Variants in TTC38 observed in about 807,000 individuals in gnomAD.
The protein encoded by TTC38 is tetratricopeptide repeat protein 38.
Under a neutral mutation model 64.2 loss-of-function variants are expected in TTC38, and 64 were observed. The ratio of observed to expected loss-of-function variants is 1.00; its 90% CI spans 0.81 to 1.23. The LOEUF is 1.23. Among genes scored for constraint, TTC38 ranks in the 50% most tolerant of loss-of-function variants. The pLI is 0.00. For missense variants in TTC38, 573 were observed against 615.5 expected (o/e 0.93, Z 0.73); for synonymous variants, 254 against 249.3 (o/e 1.02, Z -0.18).
Position 46,276,650 on chromosome 22 carries a change from G to A in TTC38, c.539+1229G>A, listed in dbSNP as rs2077489103. ...GAGTTTGAGGCTGCAGTGAGCTGGC[G>A]ATCATGCCACTGCACTCAGCCTGGG... On this transcript the variant is annotated intron_variant, in intron 5 of 13. Transcript: ENST00000381031. This position sits in a 1 kb window ranked among gnomAD's most constrained non-coding sequence, Gnocchi z 4.7. 6.6e-6 allele frequency among the ~76,000 whole-genome samples: 1 copy of A among 150,756 alleles called. No individual in the cohort carries two copies.
At chr22:46,283,125 A>T (rs2077547015) in intron 7 of TTC38, among the ~76,000 whole-genome samples, 2 of 151,888 alleles carry the variant, frequency 1.3e-5, no homozygotes, top group African/African-American at 4.8e-5. Flanking sequence ...TTAGAGAGAC[A>T]GGGTCTCTTC....
chr22:46,268,677 GTTTT>G, intron 2 of TTC38, 86 bp downstream of exon 2: 1 of 1,180,168 alleles, frequency 8.5e-7, no homozygotes. Flanking sequence ...TTTTTGTTTT[GTTTT>G]GTTTTGTTTT....
chr22:46,279,026 G>A (rs1268119741), intron 6 of TTC38, among the ~76,000 whole-genome samples: 1 of 152,222 alleles, frequency 6.6e-6, no homozygotes, highest in Non-Finnish European at 1.5e-5. Context: ...CTGCCCTGCT[G>A]GGACAGGACT....
Position 46,276,824 on chromosome 22 carries a change from A to AATATATAT in TTC38, c.539+1413_539+1420dup, listed in dbSNP as rs57859102. On this transcript the variant is annotated intron_variant, in intron 5 of 13. Transcript: ENST00000381031. The surrounding 1 kb of genome is among the most constrained non-coding windows in gnomAD (Gnocchi z 4.7). ...ATTATATATTAAAATATATATATTA[A>AATATATAT]ATATATATATATATATAAACATATA... 4.3e-3 allele frequency among the ~76,000 whole-genome samples: 603 copies of AATATATAT among 139,520 alleles called. 1 individual carries two copies. The highest frequency in any genetic ancestry group is 0.014 in the African/African-American group (515 of 36,158). The allele number at this position is 139,520 out of a possible 152,430, so 91.5% of individuals were successfully genotyped here.
chr22:46,278,551 A>G (rs765782239), intron 5 of TTC38, 35 bp from the exon 6 acceptor site: 141 of 1,576,382 alleles, frequency 8.9e-5, no homozygotes, highest in Non-Finnish European at 1.0e-4. Flanking sequence ...CCCATCCATC[A>G]TTTTGTATTC....
Position 46,270,529 on chromosome 22 carries a change from C to T in TTC38, c.112-1806C>T, listed in dbSNP as rs1294960857. On this transcript the variant is annotated intron_variant, in intron 2 of 13. Transcript: ENST00000381031. The surrounding 1 kb of genome is among the most constrained non-coding windows in gnomAD (Gnocchi z 4.7). Reference sequence around the variant, plus strand: ...AGTAAAGGACCAGGTACAAATACAGCAAATTGTTAAAAATGATGATGCGCT... The same window carrying T: ...AGTAAAGGACCAGGTACAAATACAGTAAATTGTTAAAAATGATGATGCGCT... Among the ~76,000 whole-genome samples the T allele has an allele frequency of 1.3e-5, 2 of 152,058 alleles. No individual in the cohort carries two copies. Among genetic ancestry groups the T allele is most frequent in the African/African-American group, 4.8e-5 (2 of 41,396 alleles).
chr22:46,279,430 A>C (rs1172308249), intron 6 of TTC38, among the ~76,000 whole-genome samples: 1 of 152,218 alleles, frequency 6.6e-6, no homozygotes, highest in East Asian at 1.9e-4. Context: ...TGAGGGGCCC[A>C]AGGCTCAGAG....
Position 46,289,882 on chromosome 22 carries a change from C to T in TTC38, c.1299C>T (p.Val433=). The part of the protein sequence containing the change: ...IHAALNCTSS[V]HKNVARSLLM... ...CGGCCTTAAACTGCACCTCCAGCGT[C>T]CATAAGAACGTAGCCCGGTGAGCTC... The change falls in exon 13 of 14, where the codon GTC becomes GTT. Residue 433 remains valine (V), a synonymous_variant. Transcript: ENST00000381031. The T allele has an allele frequency of 6.2e-7, 1 of 1,614,186 alleles. No homozygotes were observed.
intron 8 of TTC38, among the ~76,000 whole-genome samples, chr22:46,284,566 G>C (rs1485280579): frequency 6.6e-6 from 1 of 152,154 alleles, no homozygotes; most frequent in Non-Finnish European, 1.5e-5. Flanking sequence ...AAATGTACAG[G>C]AGAGGAAACA....
intron 11 of TTC38, 57 bp downstream of exon 11, chr22:46,288,645 G>A: frequency 6.4e-7 from 1 of 1,558,208 alleles, no homozygotes; most frequent in Non-Finnish European, 8.8e-7. Flanking sequence ...AGGGTGAGGG[G>A]GTGCTAGGGC....
In TTC38 at chr22:46,270,532, A is replaced by T. The variant is rs563261195; in HGVS notation, c.112-1803A>T. 1.3e-5 allele frequency among the ~76,000 whole-genome samples: 2 copies of T among 152,056 alleles called. No homozygotes were observed. Among genetic ancestry groups the T allele is most frequent in the Non-Finnish European group, 2.9e-5 (2 of 68,016 alleles). ...AAAGGACCAGGTACAAATACAGCAAATTGTTAAAAATGATGATGCGCTGGG... is the reference window on the plus strand; with the variant it reads ...AAAGGACCAGGTACAAATACAGCAATTTGTTAAAAATGATGATGCGCTGGG... On this transcript the variant is annotated intron_variant, in intron 2 of 13. Transcript: ENST00000381031. This position sits in a 1 kb window ranked among gnomAD's most constrained non-coding sequence, Gnocchi z 4.7.
chr22:46,281,474 C>G lies in TTC38; in HGVS notation c.616-125C>G. 4 of 1,005,956 alleles carry G rather than the reference C, an allele frequency of 4.0e-6. No individual in the cohort carries two copies. The highest frequency in any genetic ancestry group is 1.5e-5 in the South Asian group (1 of 66,726). 62.3% of individuals were successfully genotyped at this position (1,005,956 alleles called of 1,614,324 possible). On this transcript the variant is annotated intron_variant, in intron 6 of 13. Coordinates refer to ENST00000381031, the MANE Select transcript of TTC38 (RefSeq NM_017931.4). This position sits in a 1 kb window ranked among gnomAD's most constrained non-coding sequence, Gnocchi z 5.2. ...GTCAGTGTTTTGAGTCAGAGCCCCG[C>G]CCCCCCACTTGCTCCACCCCGTTCA...
chr22:46,289,616 C>T (rs932010737), intron 12 of TTC38, 55 bp downstream of exon 12: 39 of 1,538,462 alleles, frequency 2.5e-5, no homozygotes, highest in South Asian at 7.4e-5. Flanking sequence ...GGAGTCTGGG[C>T]GCCCCGCAGC....
Position 46,293,140 on chromosome 22 carries a change from G to C in TTC38, c.*256G>C. On this transcript the variant is annotated 3_prime_UTR_variant, in exon 14 of 14. Coordinates refer to ENST00000381031, the MANE Select transcript of TTC38 (RefSeq NM_017931.4). This position sits in a 1 kb window ranked among gnomAD's most constrained non-coding sequence, Gnocchi z 6.6. ...AGTGTGAGTGCTGCTCTTTCCACCT[G>C]CCTTGCAAATTCTGTTTCCCAGGGG... The C allele has an allele frequency of 2.2e-6, 1 of 449,192 alleles. No individual in the cohort carries two copies. Among genetic ancestry groups the C allele is most frequent in the Non-Finnish European group, 4.1e-6 (1 of 242,616 alleles). The allele number at this position is 449,192 out of a possible 1,614,324, so 27.8% of individuals were successfully genotyped here.
Position 46,276,896 on chromosome 22 carries a change from C to T in TTC38, c.539+1475C>T, listed in dbSNP as rs2077494303. Among the ~76,000 whole-genome samples, 1 of 147,554 alleles carries T rather than the reference C, an allele frequency of 6.8e-6. No individual in the cohort carries two copies. Among genetic ancestry groups the T allele is most frequent in the Non-Finnish European group, 1.5e-5 (1 of 67,366 alleles). On this transcript the variant is annotated intron_variant, in intron 5 of 13. Coordinates refer to ENST00000381031, the MANE Select transcript of TTC38 (RefSeq NM_017931.4). The surrounding 1 kb of genome is among the most constrained non-coding windows in gnomAD (Gnocchi z 4.7). Reference sequence around the variant, plus strand: ...CCGCAACACCTAGACTGGTGTTTCGCCAAACAGCTGAGCACCACGGGCCAG... The same window carrying T: ...CCGCAACACCTAGACTGGTGTTTCGTCAAACAGCTGAGCACCACGGGCCAG...
rs746014019 is a variant in TTC38 at position 46,289,470 on chromosome 22, T to G, written c.1151T>G (p.Val384Gly). ...DVGLPLCQAL[V>G]EAEDGNPDRV... ...GGGCTGCCCCTGTGCCAGGCCCTGGTGGAGGCTGAGGACGGGAACCCTGAC... is the reference window on the plus strand; with the variant it reads ...GGGCTGCCCCTGTGCCAGGCCCTGGGGGAGGCTGAGGACGGGAACCCTGAC... Residue 384 changes from valine (V) to glycine (G), a missense_variant, in exon 12 of 14, where the codon GTG becomes GGG. Physicochemically the swap from Val to Gly is moderately radical, Grantham distance 109. This residue lies in a region of TTC38 where 371 missense variants were observed against 381.8 expected (regional missense o/e 0.97). Coordinates refer to ENST00000381031, the MANE Select transcript of TTC38 (RefSeq NM_017931.4). 1.9e-6 allele frequency: 3 copies of G among 1,609,332 alleles called. No individual in the cohort carries two copies. The highest frequency in any genetic ancestry group is 2.5e-6 in the Non-Finnish European group (3 of 1,179,750).
At chr22:46,280,886 C>T (rs1569020840) in intron 6 of TTC38, among the ~76,000 whole-genome samples, 1 of 152,238 alleles carries the variant, frequency 6.6e-6, no homozygotes, top group Non-Finnish European at 1.5e-5. Flanking sequence ...TTTACTGCTC[C>T]ATTTTCTAAG....
In TTC38 at chr22:46,272,304, G is replaced by A. The variant is rs371507955; in HGVS notation, c.112-31G>A. 6.4e-5 allele frequency: 101 copies of A among 1,585,856 alleles called. No homozygotes were observed. In the Middle Eastern group the frequency reaches 9.9e-4, roughly 16 times the overall value. On this transcript the variant is annotated intron_variant, in intron 2 of 13. Transcript: ENST00000381031. This position sits in a 1 kb window ranked among gnomAD's most constrained non-coding sequence, Gnocchi z 6.4. ...TTTGTTAGAATGATCCAAGGGCTCC[G>A]TGAGGACTTGTTTTGCTTTTCCCAT... is the stretch of plus-strand genomic sequence containing the variant.
intron 5 of TTC38, among the ~76,000 whole-genome samples, chr22:46,278,015 G>A (rs1444328442): frequency 6.6e-6 from 1 of 152,260 alleles, no homozygotes; most frequent in African/African-American, 2.4e-5. Flanking sequence ...GCTTGGGGAT[G>A]ATTGTGCGGA....
Sources: gnomAD v4.1 joint callset for allele counts (sites outside exome capture counted in the v4.1 genomes callset) on GRCh38, gnomAD v4.1.1 for gene constraint, gnomAD v4.1.1 regional missense constraint, Gnocchi (gnomAD v3.1) non-coding constraint, MANE v1.5 for transcripts, NCBI Gene and HGNC (gene_info 2026-07-23, HGNC 2026-07-21) for gene names.